The following CYB5R4 variants were observed in gnomAD, a reference collection of about 807,000 sequenced individuals.
CYB5R4 encodes N-terminal cytochrome b5 and cytochrome b5 oxidoreductase domain-containing protein.
Under a neutral mutation model 70.2 loss-of-function variants are expected in CYB5R4, and 55 were observed. The ratio of observed to expected loss-of-function variants is 0.78; its 90% CI spans 0.63 to 0.98. The LOEUF is 0.98. Ranked by LOEUF, CYB5R4 falls within the 50% of genes least tolerant of loss-of-function variation. CYB5R4 has a pLI of 0.00. For synonymous variants in CYB5R4, 197 were observed against 199.5 expected, an observed-to-expected ratio of 0.99 and a Z score of 0.11; for missense variants, 562 against 612.6, an observed-to-expected ratio of 0.92 and a Z score of 0.87.
chr6:83,906,005 C>G (rs887748971), intron 3 of CYB5R4, among the ~76,000 whole-genome samples: 4 of 152,100 alleles, frequency 2.6e-5, no homozygotes, highest in Admixed American at 2.6e-4. Context: ...TCTCCTGGCC[C>G]TCAAACTGTG....
At chr6:83,956,985 A>T (rs1436957616) in intron 15 of CYB5R4, among the ~76,000 whole-genome samples, 1 of 151,828 alleles carries the variant, frequency 6.6e-6, no homozygotes, top group Non-Finnish European at 1.5e-5. Flanking sequence ...AATTGTAGAA[A>T]AGATTGACCC....
chr6:83,890,851 T>C (rs1484165505), intron 2 of CYB5R4, among the ~76,000 whole-genome samples: 1 of 152,222 alleles, frequency 6.6e-6, no homozygotes, highest in Non-Finnish European at 1.5e-5. Context: ...GATATTAGCA[T>C]TTTTATGAAA....
chr6:83,934,413 T>A (rs141967949), intron 10 of CYB5R4, among the ~76,000 whole-genome samples, 182 bp from the exon 11 acceptor site: 378 of 152,168 alleles, frequency 2.5e-3, no homozygotes, highest in African/African-American at 7.5e-3. Context: ...TCAACACATA[T>A]CTCAGGAAAT....
chr6:83,863,502 C>T (rs1301469898), intron 1 of CYB5R4, among the ~76,000 whole-genome samples: 4 of 152,188 alleles, frequency 2.6e-5, no homozygotes. Flanking sequence ...TGTCTCTTTA[C>T]CTTTTCTTCT....
At chr6:83,876,907 C>T (rs1049538271) in intron 2 of CYB5R4, among the ~76,000 whole-genome samples, 1 of 152,122 alleles carries the variant, frequency 6.6e-6, no homozygotes, top group African/African-American at 2.4e-5. Flanking sequence ...GATCTTGGCT[C>T]ACTACAACCT....
chr6:83,905,258 T>C (rs2099463583), intron 3 of CYB5R4, among the ~76,000 whole-genome samples: 1 of 152,232 alleles, frequency 6.6e-6, no homozygotes, highest in Non-Finnish European at 1.5e-5. Flanking sequence ...GGTTTCACCA[T>C]GTTGGCCAGA....
rs79206301 is a variant in CYB5R4 at position 83,908,812 on chromosome 6, C to T, written c.331-197C>T. Among the ~76,000 whole-genome samples the T allele has an allele frequency of 1.6e-4, 24 of 152,340 alleles. No individual in the cohort carries two copies. In the East Asian group the frequency reaches 4.3e-3, roughly 27 times the overall value. On this transcript the variant is annotated intron_variant, in intron 3 of 15. Coordinates refer to ENST00000369681, the MANE Select transcript of CYB5R4 (RefSeq NM_016230.4). Reference sequence around the variant, plus strand: ...TCAGGAACTTCCAAAGGTCCCAACACTTTGAGAATACTATTCTAAACAATC... The same window carrying T: ...TCAGGAACTTCCAAAGGTCCCAACATTTTGAGAATACTATTCTAAACAATC...
intron 3 of CYB5R4, among the ~76,000 whole-genome samples, chr6:83,908,570 T>C (rs558252161): frequency 3.3e-5 from 5 of 152,320 alleles, no homozygotes; most frequent in African/African-American, 1.2e-4. Context: ...CTTAAATATC[T>C]TCCTCATGCT....
At chr6:83,866,944 G>C (rs920265578) in intron 2 of CYB5R4, among the ~76,000 whole-genome samples, 8 of 152,028 alleles carry the variant, frequency 5.3e-5, no homozygotes, top group Non-Finnish European at 1.2e-4. Flanking sequence ...GTTTCTGCTG[G>C]GGAACATGTT....
intron 3 of CYB5R4, among the ~76,000 whole-genome samples, chr6:83,894,175 A>G (rs577305426): frequency 6.6e-6 from 1 of 152,342 alleles, no homozygotes; most frequent in African/African-American, 2.4e-5. Flanking sequence ...TATTTAAATT[A>G]GTCACTTTTC....
chr6:83,914,360 T>G, intron 4 of CYB5R4, 56 bp from the exon 5 acceptor site: 2 of 1,479,936 alleles, frequency 1.4e-6, no homozygotes, highest in Non-Finnish European at 1.8e-6. Flanking sequence ...TGGACTGACA[T>G]TCTCATTGAC....
At chr6:83,923,939 G>A (rs1249993534) in intron 9 of CYB5R4, among the ~76,000 whole-genome samples, 1 of 151,424 alleles carries the variant, frequency 6.6e-6, no homozygotes, top group Admixed American at 6.6e-5. Context: ...GCGTGGTGGT[G>A]GGCGCCTGTA....
At chr6:83,882,417 C>T (rs575996630) in intron 2 of CYB5R4, among the ~76,000 whole-genome samples, 154 of 152,268 alleles carry the variant, frequency 1.0e-3, no homozygotes, top group Admixed American at 2.6e-3. Flanking sequence ...TGAACAGAGG[C>T]TTCATTTTTC....
At chr6:83,882,405 G>A (rs991141722) in intron 2 of CYB5R4, among the ~76,000 whole-genome samples, 17 of 152,274 alleles carry the variant, frequency 1.1e-4, no homozygotes, top group Admixed American at 2.6e-4. Flanking sequence ...GGCTGAAAAC[G>A]TTGAACAGAG....
At chr6:83,922,368 A>G in intron 8 of CYB5R4, 70 bp from the exon 9 acceptor site, 1 of 1,292,182 alleles carries the variant, frequency 7.7e-7, no homozygotes. Context: ...AGCCATTTAA[A>G]TGACATATGG....
chr6:83,905,953 G>A (rs1325516159), intron 3 of CYB5R4, among the ~76,000 whole-genome samples: 1 of 152,158 alleles, frequency 6.6e-6, no homozygotes, highest in Non-Finnish European at 1.5e-5. Flanking sequence ...AGGCCCCTGG[G>A]AGGAGTGTTC....
chr6:83,955,614 G>GT (rs2099472208), intron 15 of CYB5R4, 152 bp downstream of exon 15: 2 of 760,224 alleles, frequency 2.6e-6, no homozygotes, highest in Admixed American at 6.9e-5. Context: ...TCTTCGTATA[G>GT]TTTGAGTTGG....
Position 83,962,066 on chromosome 6 carries a change from C to T in CYB5R4, c.*2188C>T, listed in dbSNP as rs2099473430. On this transcript the variant is annotated 3_prime_UTR_variant, in exon 16 of 16. Transcript: ENST00000369681. ...ACTAATTTGAGAATCAGCTGAGCTT[C>T]AGTTTTCAATATCCATTTACTTCCT... 1 of 152,110 alleles carries T rather than the reference C, an allele frequency of 6.6e-6. No homozygotes were observed. The highest frequency in any genetic ancestry group is 6.6e-5 in the Admixed American group (1 of 15,266). The allele number at this position is 152,110 out of a possible 1,614,324, so 9.4% of individuals were successfully genotyped here. A position where few individuals can be genotyped will look rare whatever the true frequency, so the allele number is the denominator to read the frequency against.
chr6:83,893,626 A>G lies in CYB5R4; in HGVS notation c.330+4A>G. On this transcript the variant is annotated splice_donor_region_variant and intron_variant, in intron 3 of 15. Coordinates refer to ENST00000369681, the MANE Select transcript of CYB5R4 (RefSeq NM_016230.4). ...TGGTACTGAACTTTTTGATCAGGTA[A>G]GATGTGCTGAAAGTAACCAAAGTAT... The G allele has an allele frequency of 6.4e-7, 1 of 1,572,106 alleles. No individual in the cohort carries two copies. The highest frequency in any genetic ancestry group is 1.1e-5 in the South Asian group (1 of 88,412).
Sources: allele counts gnomAD v4.1 joint callset (sites outside exome capture counted in the v4.1 genomes callset), GRCh38; gene constraint gnomAD v4.1.1; transcripts MANE v1.5; gene names NCBI Gene and HGNC (gene_info 2026-07-23, HGNC 2026-07-21).